ARMC2: variants seen among roughly 807,000 people sequenced by gnomAD.
ARMC2 encodes the protein armadillo repeat containing 2.
In ARMC2, 67 loss-of-function variants were observed where a neutral mutation model predicts 90.3. That is an observed-to-expected ratio of 0.74 (90% CI 0.61 to 0.91). ARMC2 has a LOEUF of 0.91. ARMC2 is among the 40% of genes least tolerant of loss of function. The pLI, the probability that ARMC2 is intolerant of heterozygous loss-of-function variation, is 0.00. For synonymous variants in ARMC2, 393 were observed against 393.0 expected (o/e 1.00, Z 0.00); for missense variants, 920 against 1,030.9 (o/e 0.89, Z 1.47).
chr6:109,053,022 T>G, the ARMC2 span, among the ~76,000 whole-genome samples: 10 of 152,098 alleles, frequency 6.6e-5, no homozygotes, highest in East Asian at 1.9e-3. Context: ...CACTATTCAA[T>G]AAAAGGAGCT....
chr6:108,924,926 T>C (rs1019207931), intron 10 of ARMC2, among the ~76,000 whole-genome samples: 2 of 151,920 alleles, frequency 1.3e-5, no homozygotes, highest in Non-Finnish European at 2.9e-5. Flanking sequence ...GGTGAACGTG[T>C]GACCAGTCAG....
intron 4 of ARMC2, among the ~76,000 whole-genome samples, chr6:108,870,780 C>T (rs1211024857): frequency 6.6e-6 from 1 of 152,102 alleles, no homozygotes; most frequent in Non-Finnish European, 1.5e-5. Flanking sequence ...CACTGCCAGT[C>T]GATCTGATAT....
chr6:108,996,752 A>G, the ARMC2 span, among the ~76,000 whole-genome samples: 2 of 152,178 alleles, frequency 1.3e-5, no homozygotes, highest in African/African-American at 4.8e-5. Context: ...TAGCAGCATG[A>G]GAACAGAATA....
intron 13 of ARMC2, 125 bp from the exon 14 acceptor site, chr6:108,961,447 A>G (rs1777991532): frequency 9.6e-7 from 1 of 1,041,192 alleles, no homozygotes; most frequent in African/African-American, 1.6e-5. Context: ...GTGCCTCTCC[A>G]GGGCCTTTGT....
In ARMC2 at chr6:108,944,726, C is replaced by T. The variant is rs565113048; in HGVS notation, c.1596+7727C>T. Among the ~76,000 whole-genome samples, 7 of 152,152 alleles carry T rather than the reference C, an allele frequency of 4.6e-5. No individual in the cohort carries two copies. The South Asian group carries it at 6.2e-4, about 14-fold the overall frequency. ...TGATGAGTTCACTTAGAATATGGTC[C>T]GCTTTACACCCCCTCTGTTTGCATA... On this transcript the variant is annotated intron_variant, in intron 12 of 17. Coordinates refer to ENST00000392644, the MANE Select transcript of ARMC2 (RefSeq NM_032131.6).
chr6:108,964,747 G>A lies in ARMC2; in HGVS notation c.2286-233G>A, dbSNP rs143180286. On this transcript the variant is annotated intron_variant, in intron 16 of 17. Transcript: ENST00000392644. ...GGAGGTTGCGGTGAGCCGAGATCGC[G>A]CGACTGCACTTCAGCCTGGGCAACA... 6.4e-4 allele frequency among the ~76,000 whole-genome samples: 97 copies of A among 151,938 alleles called. 1 individual carries two copies. The highest frequency in any genetic ancestry group is 3.3e-3 in the South Asian group (16 of 4,808).
rs566898371 is a variant in ARMC2 at position 108,865,487 on chromosome 6, T to C, written c.292-3337T>C. Among the ~76,000 whole-genome samples, 5 of 152,360 alleles carry C rather than the reference T, an allele frequency of 3.3e-5. No individual in the cohort carries two copies. In the East Asian group the frequency reaches 9.6e-4, roughly 29 times the overall value. ...TAAAGAATTAAAAATGCTTTACATA[T>C]GTCACTTTATATTCTAAGTAGTCCC... On this transcript the variant is annotated intron_variant, in intron 3 of 17. Transcript: ENST00000392644.
chr6:108,958,779 A>G (rs568191735), intron 13 of ARMC2, among the ~76,000 whole-genome samples: 1 of 152,346 alleles, frequency 6.6e-6, no homozygotes, highest in East Asian at 1.9e-4. Flanking sequence ...TGTGCCATGC[A>G]CTCATTTAAG....
chr6:108,898,871 A>G (rs148645453), intron 6 of ARMC2, among the ~76,000 whole-genome samples: 1 of 152,210 alleles, frequency 6.6e-6, no homozygotes, highest in African/African-American at 2.4e-5. Context: ...TACAACCCAT[A>G]TTCACAGGCA....
chr6:108,868,851 A>G lies in ARMC2; in HGVS notation c.319A>G (p.Arg107Gly). 6.2e-7 allele frequency: 1 copy of G among 1,613,564 alleles called. No homozygotes were observed. Among genetic ancestry groups the G allele is most frequent in the Non-Finnish European group, 8.5e-7 (1 of 1,179,700 alleles). The change falls in exon 4 of 18, where the codon AGA becomes GGA. Residue 107 changes from arginine to glycine, a missense_variant. Coordinates refer to ENST00000392644, the MANE Select transcript of ARMC2 (RefSeq NM_032131.6). Reference sequence around the variant, plus strand: ...ACCGAAAGTTCCAGCATCTCCCACCAGAGAGGAGGATTCCTGCTTTTCCTT... The same window carrying G: ...ACCGAAAGTTCCAGCATCTCCCACCGGAGAGGAGGATTCCTGCTTTTCCTT... ...LKPKVPASPTREEDSCFSFPK... is the reference protein window; with the variant it reads ...LKPKVPASPTGEEDSCFSFPK...
At chr6:108,965,354 C>A (rs1198832622) in intron 17 of ARMC2, among the ~76,000 whole-genome samples, 2 of 142,228 alleles carry the variant, frequency 1.4e-5, no homozygotes, top group East Asian at 4.4e-4. Flanking sequence ...TAGATACATT[C>A]ATGATTTCTT....
chr6:109,002,668 T>A, the ARMC2 span, among the ~76,000 whole-genome samples: 1 of 152,128 alleles, frequency 6.6e-6, no homozygotes, highest in Admixed American at 6.6e-5. Context: ...ATAAGACCAG[T>A]GTGTTTGTAC....
At chr6:108,920,399 G>A (rs965574872) in intron 10 of ARMC2, among the ~76,000 whole-genome samples, 4 of 152,124 alleles carry the variant, frequency 2.6e-5, no homozygotes, top group African/African-American at 9.7e-5. Flanking sequence ...TTCTACTTAT[G>A]GGGCTTCCTT....
chr6:108,857,916 G>T (rs1273385016), intron 2 of ARMC2, among the ~76,000 whole-genome samples: 1 of 152,166 alleles, frequency 6.6e-6, no homozygotes. Flanking sequence ...GTTACTAGCA[G>T]TTGTCCCATA....
At chr6:108,867,564 C>T (rs1040113085) in intron 3 of ARMC2, among the ~76,000 whole-genome samples, 3 of 151,852 alleles carry the variant, frequency 2.0e-5, no homozygotes, top group African/African-American at 4.8e-5. Context: ...GTCAGGAGTT[C>T]GCGACCAGTC....
At chr6:108,911,994 A>G (rs1382342372) in intron 9 of ARMC2, among the ~76,000 whole-genome samples, 1 of 152,138 alleles carries the variant, frequency 6.6e-6, no homozygotes, top group Non-Finnish European at 1.5e-5. Flanking sequence ...TAACTCTTAG[A>G]TGTGTTAAAT....
Position 108,943,367 on chromosome 6 carries a change from A to G in ARMC2, c.1596+6368A>G, listed in dbSNP as rs544193360. ...CTGTGAGGGGTATTGATGAGGAATA[A>G]GGATTTATATTTACAAGAATTCATA... On this transcript the variant is annotated intron_variant, in intron 12 of 17. Coordinates refer to ENST00000392644, the MANE Select transcript of ARMC2 (RefSeq NM_032131.6). 1.7e-4 allele frequency among the ~76,000 whole-genome samples: 26 copies of G among 152,330 alleles called. 1 individual carries two copies. Among genetic ancestry groups the G allele is most frequent in the African/African-American group, 6.0e-4 (25 of 41,566 alleles).
chr6:109,005,953 T>G, the ARMC2 span, among the ~76,000 whole-genome samples: 55 of 152,348 alleles, frequency 3.6e-4, no homozygotes, highest in Middle Eastern at 6.8e-3. Flanking sequence ...GTTTCTAGAC[T>G]GTGGCTGGCA....
chr6:109,052,756 C>T, the ARMC2 span, among the ~76,000 whole-genome samples: 2 of 152,140 alleles, frequency 1.3e-5, no homozygotes, highest in Non-Finnish European at 2.9e-5. Flanking sequence ...CTACAGGAAA[C>T]ATTTCAACCA....
Sources: allele counts gnomAD v4.1 joint callset (sites outside exome capture counted in the v4.1 genomes callset), GRCh38; gene constraint gnomAD v4.1.1; transcripts MANE v1.5; gene names NCBI Gene and HGNC (gene_info 2026-07-23, HGNC 2026-07-21).